The following YME1L1 variants were observed in gnomAD, a reference collection of about 807,000 sequenced individuals.
YME1L1 encodes ATP-dependent zinc metalloprotease YME1L1.
In YME1L1, 39 loss-of-function variants were observed where a neutral mutation model predicts 90.4. The observed-to-expected ratio is 0.43, with a 90% CI of 0.33 to 0.56. YME1L1 has a LOEUF of 0.56. Ranked by LOEUF, YME1L1 falls within the 20% of genes least tolerant of loss-of-function variation. The pLI is 0.03. For missense variants in YME1L1, 617 were observed against 868.4 expected (o/e 0.71, Z 3.64); for synonymous variants, 284 against 287.3 (o/e 0.99, Z 0.12).
chr10:27,126,923 C>A (rs1340502692), intron 8 of YME1L1, 137 bp from the exon 9 acceptor site: 2 of 581,470 alleles, frequency 3.4e-6, no homozygotes, highest in Non-Finnish European at 5.9e-6. Context: ...GTAAAAAAAG[C>A]ATACAAAAAT....
In YME1L1 at chr10:27,119,193, C is replaced by T. The variant is rs567247351; in HGVS notation, c.1567+101G>A. 2.3e-5 allele frequency: 26 copies of T among 1,154,106 alleles called. No homozygotes were observed. The East Asian group carries it at 6.1e-4, about 27-fold the overall frequency. The allele number at this position is 1,154,106 out of a possible 1,614,324, so 71.5% of individuals were successfully genotyped here. On this transcript the variant is annotated intron_variant, in intron 14 of 18. Coordinates refer to ENST00000376016, the MANE Select transcript of YME1L1 (RefSeq NM_014263.4). ...AGTTTTAGAGTAAGATTAGATTCAA[C>T]ATAGCCATGGCTTTAGCTGTTTGAA...
At chr10:27,124,903 C>T (rs2056901700) in intron 9 of YME1L1, among the ~76,000 whole-genome samples, 2 of 152,232 alleles carry the variant, frequency 1.3e-5, no homozygotes, top group South Asian at 4.1e-4. Flanking sequence ...TAAGCCATCA[C>T]TTGGGTCCTT....
intron 8 of YME1L1, among the ~76,000 whole-genome samples, chr10:27,130,468 T>C (rs1048915200): frequency 1.3e-5 from 2 of 152,228 alleles, no homozygotes; most frequent in Non-Finnish European, 2.9e-5. Flanking sequence ...TATATCCAAG[T>C]TACTCAACAC....
chr10:27,136,338 G>A lies in YME1L1; in HGVS notation c.478C>T (p.Arg160Cys). 1.2e-6 allele frequency: 2 copies of A among 1,613,748 alleles called. No homozygotes were observed. The highest frequency in any genetic ancestry group is 1.1e-5 in the South Asian group (1 of 91,054). Reference protein sequence around the residue: ...GFKTLKSRTRRLQSTSERLAE... With the variant: ...GFKTLKSRTRCLQSTSERLAE... ...AATCTCTCGGAGGTAGACTGGAGAC[G>A]TCGTGTCCTTGATTTCAAAGTTTTA... The change falls in exon 5 of 19, where the codon CGT becomes TGT. Residue 160 changes from arginine to cysteine, a missense_variant. Coordinates refer to ENST00000376016, the MANE Select transcript of YME1L1 (RefSeq NM_014263.4).
At position 27,153,428 on chromosome 10, in the gene YME1L1, T is replaced by G. The variant is rs183342508; in HGVS notation, c.33+750A>C. On this transcript the variant is annotated intron_variant, in intron 1 of 18. Coordinates refer to ENST00000376016, the MANE Select transcript of YME1L1 (RefSeq NM_014263.4). Reference sequence around the variant, plus strand: ...AAAACTCAATGTTTTAAAAACTATTTCTTTGCAAAACTGTAGGAACTCTCA... The same window carrying G: ...AAAACTCAATGTTTTAAAAACTATTGCTTTGCAAAACTGTAGGAACTCTCA... 5.5e-3 allele frequency: 1,837 copies of G among 331,472 alleles called. 25 individuals carry two copies. The highest frequency in any genetic ancestry group is 0.021 in the South Asian group (846 of 40,932). 20.5% of individuals were successfully genotyped at this position (331,472 alleles called of 1,614,324 possible). A position where few individuals can be genotyped will look rare whatever the true frequency, so the allele number is the denominator to read the frequency against.
chr10:27,112,464 T>C (rs114159259), intron 18 of YME1L1, among the ~76,000 whole-genome samples: 53 of 152,298 alleles, frequency 3.5e-4, no homozygotes, highest in African/African-American at 1.2e-3. Context: ...ATGCATTCCC[T>C]AAGCCCTCTC....
Position 27,154,371 on chromosome 10 carries a change from C to A in YME1L1, c.-161G>T, listed in dbSNP as rs1308084032. 3 of 800,550 alleles carry A rather than the reference C, an allele frequency of 3.7e-6. No homozygotes were observed. Among genetic ancestry groups the A allele is most frequent in the Non-Finnish European group, 5.9e-6 (3 of 509,452 alleles). The allele number at this position is 800,550 out of a possible 1,614,324, so 49.6% of individuals were successfully genotyped here. A position where few individuals can be genotyped will look rare whatever the true frequency, so the allele number is the denominator to read the frequency against. On this transcript the variant is annotated 5_prime_UTR_variant, in exon 1 of 19. Coordinates refer to ENST00000376016, the MANE Select transcript of YME1L1 (RefSeq NM_014263.4). ...AAATGGCCTCCCCTTCCTACAGCTA[C>A]TGCAACGACAGACAATCCGCCCCGG...
At chr10:27,119,243 T>G (rs1202174492) in intron 14 of YME1L1, 51 bp downstream of exon 14, 3 of 1,500,684 alleles carry the variant, frequency 2.0e-6, no homozygotes, top group Non-Finnish European at 1.8e-6. Flanking sequence ...CTAAATGAAT[T>G]ATCTAACACA....
At chr10:27,118,835 G>C (rs929346880) in intron 14 of YME1L1, among the ~76,000 whole-genome samples, 1 of 152,182 alleles carries the variant, frequency 6.6e-6, no homozygotes, top group African/African-American at 2.4e-5. Context: ...TGTCTGACAA[G>C]AGGAAATGTA....
Position 27,154,275 on chromosome 10 carries a change from C to T in YME1L1, c.-65G>A. ...CTGTGCCCCTCTGTCCACGGCCCGG[C>T]GGGGAGGCGCTGAGCCCTTCTTTTT... On this transcript the variant is annotated 5_prime_UTR_variant, in exon 1 of 19. Transcript: ENST00000376016. The T allele has an allele frequency of 6.5e-7, 1 of 1,549,552 alleles. No individual in the cohort carries two copies. Among genetic ancestry groups the T allele is most frequent in the South Asian group, 1.2e-5 (1 of 84,578 alleles).
intron 13 of YME1L1, among the ~76,000 whole-genome samples, 191 bp downstream of exon 13, chr10:27,120,244 G>A (rs982254824): frequency 6.6e-6 from 1 of 151,716 alleles, no homozygotes; most frequent in Admixed American, 6.6e-5. Context: ...TAGACTCAGG[G>A]TTCAAAACAA....
intron 12 of YME1L1, among the ~76,000 whole-genome samples, chr10:27,121,039 T>G (rs551625219): frequency 6.6e-6 from 1 of 152,340 alleles, no homozygotes; most frequent in African/African-American, 2.4e-5. Flanking sequence ...TTTTGTGACA[T>G]ATAACAAATA....
intron 4 of YME1L1, among the ~76,000 whole-genome samples, chr10:27,140,495 T>C (rs1240014849): frequency 6.6e-6 from 1 of 152,262 alleles, no homozygotes; most frequent in East Asian, 1.9e-4. Flanking sequence ...TTTTTTGTTT[T>C]TTGAGACGGA....
intron 4 of YME1L1, among the ~76,000 whole-genome samples, chr10:27,138,502 G>A (rs763163832): frequency 6.6e-6 from 1 of 151,958 alleles, no homozygotes; most frequent in Non-Finnish European, 1.5e-5. Flanking sequence ...CTTCAGTAAA[G>A]CTTCATACAC....
chr10:27,124,020 C>T (rs1310344216), intron 9 of YME1L1, among the ~76,000 whole-genome samples: 1 of 152,076 alleles, frequency 6.6e-6, no homozygotes, highest in Non-Finnish European at 1.5e-5. Context: ...GATTAAAAGA[C>T]TAAACAACCA....
intron 1 of YME1L1, among the ~76,000 whole-genome samples, chr10:27,153,692 C>T (rs1419414565): frequency 4.6e-5 from 7 of 152,188 alleles, no homozygotes; most frequent in Admixed American, 4.6e-4. Context: ...AAAAAACTTG[C>T]ATGGCTGGCC....
intron 11 of YME1L1, 152 bp from the exon 12 acceptor site, chr10:27,121,600 C>A: frequency 1.7e-6 from 1 of 575,934 alleles, no homozygotes; most frequent in Non-Finnish European, 3.1e-6. Context: ...TCATAGCTCA[C>A]TGCTGCCTCA....
chr10:27,149,029 A>G lies in YME1L1; in HGVS notation c.45T>C (p.Pro15=). Residue 15 remains proline (P), a synonymous_variant, in exon 2 of 19, where the codon CCT becomes CCC. Transcript: ENST00000376016. ...GGAAGGCATTGATGAGATGACTCAG[A>G]GGAACTGTAACCTAGAAAAAGATAA... is the stretch of plus-strand genomic sequence containing the variant. The part of the protein sequence containing the change: ...SSTVQPQVTV[P]LSHLINAFHT... The G allele has an allele frequency of 6.2e-7, 1 of 1,603,070 alleles. No homozygotes were observed. Among genetic ancestry groups the G allele is most frequent in the South Asian group, 1.1e-5 (1 of 88,056 alleles).
intron 15 of YME1L1, among the ~76,000 whole-genome samples, chr10:27,116,899 C>T (rs750041489): frequency 6.6e-6 from 1 of 151,924 alleles, no homozygotes; most frequent in African/African-American, 2.4e-5. Context: ...AATTCAGATA[C>T]AGTTCTGATA....
Sources: allele counts gnomAD v4.1 joint callset (sites outside exome capture counted in the v4.1 genomes callset), GRCh38; gene constraint gnomAD v4.1.1; transcripts MANE v1.5; gene names NCBI Gene and HGNC (gene_info 2026-07-23, HGNC 2026-07-21).